The following GNA14 variants were observed in gnomAD, a reference collection of about 807,000 sequenced individuals.
GNA14 encodes the protein guanine nucleotide-binding protein subunit alpha-14.
In GNA14, 50 loss-of-function variants were observed where a neutral mutation model predicts 42.0. The ratio of observed to expected loss-of-function variants is 1.19; its 90% CI spans 0.95 to 1.51. The LOEUF (loss-of-function observed/expected upper bound fraction) is 1.51, where lower values mean the gene tolerates loss of function less well. Ranked by LOEUF, GNA14 falls within the 40% of genes most tolerant of loss-of-function variation. The pLI is 0.00. For missense variants in GNA14, 473 were observed against 446.2 expected (o/e 1.06, Z -0.54); for synonymous variants, 173 against 163.1 (o/e 1.06, Z -0.46).
chr9:77,423,925 CAAG>C lies in GNA14; in HGVS notation c.*51_*53del. On this transcript the variant is annotated 3_prime_UTR_variant, in exon 7 of 7. Coordinates refer to ENST00000341700, the MANE Select transcript of GNA14 (RefSeq NM_004297.4). ...ATGTCAGAAGCACTTGCAAATAAAA[CAAG>C]GAGTTTGCAAATCACATCTTCTGTT... 3 of 1,312,164 alleles carry C rather than the reference CAAG, an allele frequency of 2.3e-6. No individual in the cohort carries two copies. The highest frequency in any genetic ancestry group is 2.1e-6 in the Non-Finnish European group (2 of 951,090). 81.3% of individuals were successfully genotyped at this position (1,312,164 alleles called of 1,614,324 possible).
At position 77,435,050 on chromosome 9, in the gene GNA14, TAAAA is replaced by T. The variant is rs3052358; in HGVS notation, c.310-532_310-529del. 2.4e-3 allele frequency among the ~76,000 whole-genome samples: 284 copies of T among 119,264 alleles called. 2 individuals are homozygous for T. The highest frequency in any genetic ancestry group is 7.8e-3 in the African/African-American group (255 of 32,648). The allele number at this position is 119,264 out of a possible 152,430, so 78.2% of individuals were successfully genotyped here. A position where few individuals can be genotyped will look rare whatever the true frequency, so the allele number is the denominator to read the frequency against. On this transcript the variant is annotated intron_variant, in intron 2 of 6. Coordinates refer to ENST00000341700, the MANE Select transcript of GNA14 (RefSeq NM_004297.4). Reference sequence around the variant, plus strand: ...CAGTCTGGGATTTTGTTCTTTCATTTAAAAAAAAAAAAAAAAAAAAAACACTGGC... The same window carrying T: ...CAGTCTGGGATTTTGTTCTTTCATTTAAAAAAAAAAAAAAAAAACACTGGC...
chr9:77,569,326 T>A (rs979326980), intron 1 of GNA14, among the ~76,000 whole-genome samples: 1 of 152,048 alleles, frequency 6.6e-6, no homozygotes, highest in Admixed American at 6.6e-5. Context: ...CACAGCAGTA[T>A]AGGCAGAGAG....
chr9:77,642,153 G>C (rs1458899933), intron 1 of GNA14, among the ~76,000 whole-genome samples: 1 of 152,192 alleles, frequency 6.6e-6, no homozygotes, highest in Non-Finnish European at 1.5e-5. Flanking sequence ...ACTTAAGCCT[G>C]GTGACTTACT....
At chr9:77,485,408 C>T (rs1454081232) in intron 2 of GNA14, among the ~76,000 whole-genome samples, 1 of 152,174 alleles carries the variant, frequency 6.6e-6, no homozygotes, top group African/African-American at 2.4e-5. Context: ...GTAATTACTT[C>T]CTCCACCAAA....
At chr9:77,528,877 CCAT>C (rs1233297641) in intron 2 of GNA14, among the ~76,000 whole-genome samples, 189 bp downstream of exon 2, 1 of 152,128 alleles carries the variant, frequency 6.6e-6, no homozygotes, top group African/African-American at 2.4e-5. Flanking sequence ...CACGCTACCA[CCAT>C]GAGAGAAGTC....
intron 1 of GNA14, among the ~76,000 whole-genome samples, chr9:77,633,584 A>G (rs1373444836): frequency 1.3e-5 from 2 of 152,068 alleles, no homozygotes; most frequent in South Asian, 2.1e-4. Flanking sequence ...GTGAATAGTG[A>G]ATTTGGGGCT....
At chr9:77,531,899 ATAGATG>A (rs1454985723) in intron 1 of GNA14, among the ~76,000 whole-genome samples, 1 of 152,222 alleles carries the variant, frequency 6.6e-6, no homozygotes, top group Non-Finnish European at 1.5e-5. Context: ...AAGAGAAGAT[ATAGATG>A]TATTCAATAA....
chr9:77,603,509 A>C (rs1450154352), intron 1 of GNA14, among the ~76,000 whole-genome samples: 2 of 152,228 alleles, frequency 1.3e-5, no homozygotes, highest in East Asian at 3.8e-4. Flanking sequence ...ACATAGAAAG[A>C]GACATCATTT....
intron 2 of GNA14, chr9:77,526,740 A>G (rs892957886): frequency 1.3e-5 from 2 of 152,172 alleles, no homozygotes; most frequent in Non-Finnish European, 2.9e-5. Flanking sequence ...AACTGTAAAA[A>G]CAATAAATTC....
At chr9:77,461,969 G>T (rs1836115228) in intron 2 of GNA14, among the ~76,000 whole-genome samples, 1 of 151,804 alleles carries the variant, frequency 6.6e-6, no homozygotes, top group Non-Finnish European at 1.5e-5. Flanking sequence ...CTTTTTTGTT[G>T]TTGTTGAGAA....
Position 77,446,643 on chromosome 9 carries a change from G to C in GNA14, c.310-12121C>G, listed in dbSNP as rs560978278. ...GAGAGTGAAGGAGAAGGGGTGGGGG[G>C]AGATGCTCAAGGTGATGGGGATCTG... On this transcript the variant is annotated intron_variant, in intron 2 of 6. Coordinates refer to ENST00000341700, the MANE Select transcript of GNA14 (RefSeq NM_004297.4). Among the ~76,000 whole-genome samples the C allele has an allele frequency of 2.0e-5, 3 of 152,270 alleles. No homozygotes were observed. In the South Asian group the frequency reaches 6.2e-4, roughly 32 times the overall value.
chr9:77,424,058 G>T lies in GNA14; in HGVS notation c.989C>A (p.Thr330Lys). ...AGCAAACACAAAGCGAATATTGTCT[G>T]TATCTGTAGCACATGTGAAGTGAGA... ...IYSHFTCATD[T>K]DNIRFVFAAV... Residue 330 changes from threonine to lysine, a missense_variant, in exon 7 of 7, where the codon ACA becomes AAA. Coordinates refer to ENST00000341700, the MANE Select transcript of GNA14 (RefSeq NM_004297.4). 1 of 1,611,766 alleles carries T rather than the reference G, an allele frequency of 6.2e-7. No homozygotes were observed. Among genetic ancestry groups the T allele is most frequent in the Non-Finnish European group, 8.5e-7 (1 of 1,178,430 alleles).
At chr9:77,497,661 T>C (rs1836892855) in intron 2 of GNA14, among the ~76,000 whole-genome samples, 1 of 151,162 alleles carries the variant, frequency 6.6e-6, no homozygotes, top group South Asian at 2.1e-4. Context: ...GTTCAATAAA[T>C]ACTGAATGAA....
At chr9:77,615,446 C>T (rs78287934) in intron 1 of GNA14, among the ~76,000 whole-genome samples, 2,588 of 152,130 alleles carry the variant, frequency 0.017, 66 homozygotes, top group African/African-American at 0.058. Flanking sequence ...TCCAGAAAAA[C>T]TTGTTCAAGC....
At chr9:77,443,662 GT>G (rs2131698329) in intron 2 of GNA14, among the ~76,000 whole-genome samples, 1 of 152,278 alleles carries the variant, frequency 6.6e-6, no homozygotes, top group South Asian at 2.1e-4. Context: ...GGCCAAGTTC[GT>G]TACTTTATCT....
chr9:77,556,188 G>A (rs997232934), intron 1 of GNA14, among the ~76,000 whole-genome samples: 1 of 152,164 alleles, frequency 6.6e-6, no homozygotes, highest in African/African-American at 2.4e-5. Flanking sequence ...AGGTTGCAGT[G>A]AGCCAAGATC....
intron 1 of GNA14, among the ~76,000 whole-genome samples, chr9:77,646,995 G>A (rs1221376373): frequency 2.0e-5 from 3 of 152,206 alleles, no homozygotes; most frequent in Non-Finnish European, 4.4e-5. Flanking sequence ...GGGAGGTTTG[G>A]GTCCGCTGCA....
At chr9:77,618,826 G>T (rs1015115674) in intron 1 of GNA14, among the ~76,000 whole-genome samples, 1 of 148,374 alleles carries the variant, frequency 6.7e-6, no homozygotes, top group African/African-American at 2.5e-5. Context: ...GTAGAGACGG[G>T]GTTTCACCGT....
chr9:77,599,677 G>A (rs1167968707), intron 1 of GNA14, among the ~76,000 whole-genome samples: 3 of 152,188 alleles, frequency 2.0e-5, no homozygotes, highest in African/African-American at 7.2e-5. Flanking sequence ...GAATGGCTTG[G>A]TCAAGTACAG....
Sources: gnomAD v4.1 joint callset for allele counts (sites outside exome capture counted in the v4.1 genomes callset) on GRCh38, gnomAD v4.1.1 for gene constraint, MANE v1.5 for transcripts, NCBI Gene and HGNC (gene_info 2026-07-23, HGNC 2026-07-21) for gene names.